Variants in METTL15 observed in about 807,000 individuals in gnomAD.
METTL15 encodes the protein 12S rRNA N(4)-cytidine methyltransferase METTL15.
METTL15 carries 34 observed loss-of-function variants against 38.3 expected under a neutral mutation model. The observed-to-expected ratio is 0.89, with a 90% CI of 0.68 to 1.18. METTL15 has a LOEUF of 1.18. Among genes scored for constraint, METTL15 ranks in the 50% most tolerant of loss-of-function variants. METTL15 has a pLI of 0.00. For synonymous variants in METTL15, 162 were observed against 170.9 expected (o/e 0.95, Z 0.41); for missense variants, 438 against 498.4 (o/e 0.88, Z 1.15).
intron 3 of METTL15, among the ~76,000 whole-genome samples, chr11:28,192,535 A>G (rs1851736503): frequency 6.6e-6 from 1 of 151,820 alleles, no homozygotes; most frequent in African/African-American, 2.4e-5. Context: ...TGTTGATCCC[A>G]TACAATGAAT....
At chr11:28,481,128 G>C (rs577478326) in intron 6 of METTL15, among the ~76,000 whole-genome samples, 1 of 152,304 alleles carries the variant, frequency 6.6e-6, no homozygotes, top group African/African-American at 2.4e-5. Flanking sequence ...TGGGGAGGAA[G>C]TATCACATTA....
chr11:28,318,913 G>T (rs568223181), intron 6 of METTL15, among the ~76,000 whole-genome samples: 1 of 152,212 alleles, frequency 6.6e-6, no homozygotes, highest in East Asian at 1.9e-4. Context: ...CCACTATCAA[G>T]AAAGCAGATG....
chr11:28,404,875 C>G (rs1032315927), intron 5 of METTL15, among the ~76,000 whole-genome samples: 1 of 152,136 alleles, frequency 6.6e-6, no homozygotes, highest in Middle Eastern at 3.4e-3. Flanking sequence ...ACCCATCTTC[C>G]TCTTGATAGC....
At chr11:28,424,793 A>G (rs1443793985) in intron 6 of METTL15, among the ~76,000 whole-genome samples, 2 of 152,132 alleles carry the variant, frequency 1.3e-5, no homozygotes, top group Non-Finnish European at 2.9e-5. Context: ...GACTTTTTGC[A>G]TGGCTGGTAT....
At chr11:28,243,227 C>T (rs931753861) in intron 4 of METTL15, among the ~76,000 whole-genome samples, 1 of 152,072 alleles carries the variant, frequency 6.6e-6, no homozygotes, top group African/African-American at 2.4e-5. Context: ...GTAAGTTTAA[C>T]AGTCTCCCAG....
At chr11:28,372,355 A>G (rs12791265) in intron 5 of METTL15, among the ~76,000 whole-genome samples, 1 of 151,422 alleles carries the variant, frequency 6.6e-6, no homozygotes, top group Non-Finnish European at 1.5e-5. Flanking sequence ...ATCTTTTAAA[A>G]CTATTGTTGA....
chr11:28,286,039 GATAA>G (rs1173237058), intron 4 of METTL15, among the ~76,000 whole-genome samples: 2 of 151,950 alleles, frequency 1.3e-5, no homozygotes, highest in African/African-American at 2.4e-5. Flanking sequence ...ATAAGAAGTA[GATAA>G]ATATATATAT....
chr11:28,445,991 G>A (rs764201035), intron 6 of METTL15, among the ~76,000 whole-genome samples: 5 of 152,094 alleles, frequency 3.3e-5, no homozygotes, highest in Non-Finnish European at 5.9e-5. Flanking sequence ...TTTGGATTTT[G>A]TAGAGCTCAT....
chr11:28,513,245 A>G (rs754765687), intron 6 of METTL15, among the ~76,000 whole-genome samples: 6 of 152,184 alleles, frequency 3.9e-5, no homozygotes, highest in Admixed American at 1.3e-4. Context: ...TGTGCAGGCC[A>G]TCCTCTAACT....
intron 4 of METTL15, among the ~76,000 whole-genome samples, chr11:28,360,175 C>T (rs1195699097): frequency 1.3e-5 from 2 of 152,184 alleles, no homozygotes; most frequent in Non-Finnish European, 2.9e-5. Flanking sequence ...TAGCTGATCT[C>T]CAGTGGTCAA....
At chr11:28,428,469 C>G (rs1850884086) in intron 6 of METTL15, among the ~76,000 whole-genome samples, 1 of 152,194 alleles carries the variant, frequency 6.6e-6, no homozygotes, top group Admixed American at 6.5e-5. Context: ...AGACTAGTGT[C>G]TAGCACATAT....
At chr11:28,172,867 TAGA>T (rs1850908425) in intron 3 of METTL15, among the ~76,000 whole-genome samples, 1 of 152,204 alleles carries the variant, frequency 6.6e-6, no homozygotes, top group African/African-American at 2.4e-5. Context: ...ATGGAGAGCT[TAGA>T]AGAATATCTC....
chr11:28,378,611 T>G (rs7110038), intron 5 of METTL15, among the ~76,000 whole-genome samples: 151,779 of 152,276 alleles, frequency 1, 75,645 homozygotes, highest in Middle Eastern at 1. Context: ...GAAATCACCC[T>G]TCTTCTGCGT....
Position 28,113,367 on chromosome 11 carries a change from T to C in METTL15, c.33T>C (p.Tyr11=). Residue 11 remains tyrosine, a synonymous_variant, in exon 3 of 7, where the codon TAT becomes TAC. Coordinates refer to ENST00000407364, the MANE Select transcript of METTL15 (RefSeq NM_001113528.2). ...GGTATCCATATTTTTGTAGAATGTA[T>C]AAAGAATGCCTTTCATGTTGGTTGG... The part of the protein sequence containing the change: MLRYPYFCRM[Y]KECLSCWLES... 1 of 1,590,412 alleles carries C rather than the reference T, an allele frequency of 6.3e-7. No individual in the cohort carries two copies. Among genetic ancestry groups the C allele is most frequent in the Non-Finnish European group, 8.6e-7 (1 of 1,167,502 alleles).
intron 4 of METTL15, among the ~76,000 whole-genome samples, chr11:28,235,569 T>C (rs1343511780): frequency 2.0e-5 from 3 of 152,200 alleles, no homozygotes; most frequent in African/African-American, 7.2e-5. Context: ...TTTGAAGCAA[T>C]TGTGATTGGG....
At chr11:28,139,939 G>A (rs1849641190) in intron 3 of METTL15, among the ~76,000 whole-genome samples, 1 of 134,934 alleles carries the variant, frequency 7.4e-6, no homozygotes, top group Non-Finnish European at 1.6e-5. Flanking sequence ...CCCTCCTTTT[G>A]CCTAGGCCAG....
intron 5 of METTL15, among the ~76,000 whole-genome samples, chr11:28,392,704 A>G (rs1280984278): frequency 6.6e-6 from 1 of 152,158 alleles, no homozygotes; most frequent in African/African-American, 2.4e-5. Context: ...GAAACAACAG[A>G]GTGAAAAGGC....
intron 3 of METTL15, among the ~76,000 whole-genome samples, chr11:28,341,659 T>G (rs1162984549): frequency 6.6e-6 from 1 of 152,224 alleles, no homozygotes; most frequent in Non-Finnish European, 1.5e-5. Context: ...AAATAGGGTA[T>G]GCACAAAGTA....
chr11:28,199,597 A>G (rs1441665129), intron 3 of METTL15, among the ~76,000 whole-genome samples: 1 of 152,080 alleles, frequency 6.6e-6, no homozygotes, highest in Admixed American at 6.6e-5. Flanking sequence ...GGAGGGAGAT[A>G]TGGAAGGTAG....
Sources: allele counts gnomAD v4.1 joint callset (sites outside exome capture counted in the v4.1 genomes callset), GRCh38; gene constraint gnomAD v4.1.1; transcripts MANE v1.5; gene names NCBI Gene and HGNC (gene_info 2026-07-23, HGNC 2026-07-21).